SORCS3: variants seen among roughly 807,000 people sequenced by gnomAD.
The protein encoded by SORCS3 is sortilin related VPS10 domain containing receptor 3, also known as VPS10 domain-containing receptor SorCS3.
Under a neutral mutation model 146.3 loss-of-function variants are expected in SORCS3, and 57 were observed. The ratio of observed to expected loss-of-function variants is 0.39; its 90% CI spans 0.31 to 0.49. The LOEUF (loss-of-function observed/expected upper bound fraction) is 0.49. SORCS3 is among the 20% of genes least tolerant of loss of function. The pLI, the probability that SORCS3 is intolerant of heterozygous loss-of-function variation, is 0.92. For missense variants in SORCS3, 1,341 were observed against 1,575.5 expected, an observed-to-expected ratio of 0.85 and a Z score of 2.52; for synonymous variants, 653 against 618.5, an observed-to-expected ratio of 1.06 and a Z score of -0.83.
chr10:105,102,010 T>A (rs1026539172), intron 6 of SORCS3, among the ~76,000 whole-genome samples: 2 of 152,110 alleles, frequency 1.3e-5, no homozygotes, highest in African/African-American at 4.8e-5. Flanking sequence ...TGCCTTCCCC[T>A]CTCCTCTCAG....
chr10:105,170,557 C>A (rs2056351208), intron 13 of SORCS3, among the ~76,000 whole-genome samples: 1 of 152,104 alleles, frequency 6.6e-6, no homozygotes, highest in African/African-American at 2.4e-5. Context: ...GGCATTATCC[C>A]ATTTATAGGA....
At chr10:105,036,784 C>T (rs1167753601) in intron 4 of SORCS3, among the ~76,000 whole-genome samples, 1 of 152,216 alleles carries the variant, frequency 6.6e-6, no homozygotes, top group Non-Finnish European at 1.5e-5. Flanking sequence ...CTACTCTACA[C>T]TTGTGCCTCC....
intron 9 of SORCS3, among the ~76,000 whole-genome samples, chr10:105,151,082 A>G (rs1310150565): frequency 6.6e-6 from 1 of 152,216 alleles, no homozygotes; most frequent in Non-Finnish European, 1.5e-5. Context: ...AAGTGACTCT[A>G]TTAGGGTAAT....
At chr10:105,244,529 C>G (rs1049597152) in intron 20 of SORCS3, among the ~76,000 whole-genome samples, 6 of 152,168 alleles carry the variant, frequency 3.9e-5, no homozygotes, top group Admixed American at 3.3e-4. Flanking sequence ...AACCAATCCT[C>G]TGTGAATTCT....
At chr10:104,921,078 G>C (rs146256497) in intron 3 of SORCS3, among the ~76,000 whole-genome samples, 1 of 152,314 alleles carries the variant, frequency 6.6e-6, no homozygotes, top group East Asian at 1.9e-4. Context: ...GCCTCCCAGA[G>C]GAGTGGCTCC....
chr10:104,708,965 G>A (rs2016381510), intron 1 of SORCS3, among the ~76,000 whole-genome samples: 2 of 152,166 alleles, frequency 1.3e-5, no homozygotes, highest in Non-Finnish European at 2.9e-5. Flanking sequence ...ACATTATGAT[G>A]GAGGCTCATT....
At chr10:105,243,516 T>C (rs1484432523) in intron 20 of SORCS3, among the ~76,000 whole-genome samples, 1 of 152,156 alleles carries the variant, frequency 6.6e-6, no homozygotes, top group Admixed American at 6.5e-5. Context: ...TATTGACCCT[T>C]TGGATTTTAT....
intron 12 of SORCS3, 64 bp from the exon 13 acceptor site, chr10:105,167,194 C>A: frequency 7.9e-7 from 1 of 1,270,942 alleles, no homozygotes; most frequent in Non-Finnish European, 1.1e-6. Flanking sequence ...AGACTGTAAA[C>A]TGTTAAGCAC....
intron 4 of SORCS3, among the ~76,000 whole-genome samples, chr10:105,022,684 T>A (rs558881250): frequency 1.3e-5 from 2 of 152,174 alleles, no homozygotes; most frequent in Admixed American, 6.5e-5. Flanking sequence ...ATCCAGAATG[T>A]CATTGTGGGA....
chr10:104,670,504 G>A lies in SORCS3; in HGVS notation c.627+28550G>A, dbSNP rs527664844. ...TCAAAAATCATTTGACCATTTATAT[G>A]AAGGTTTATTTCTGGGCTCTATTCT... is the stretch of plus-strand genomic sequence containing the variant. On this transcript the variant is annotated intron_variant, in intron 1 of 26. Transcript: ENST00000369701. 5.3e-5 allele frequency among the ~76,000 whole-genome samples: 8 copies of A among 152,284 alleles called. No individual in the cohort carries two copies. The South Asian group carries it at 1.7e-3, about 32-fold the overall frequency.
intron 14 of SORCS3, among the ~76,000 whole-genome samples, chr10:105,178,570 T>TTCA (rs1332363451): frequency 5.9e-5 from 9 of 152,010 alleles, no homozygotes; most frequent in African/African-American, 2.2e-4. Context: ...TCAGAAATAT[T>TTCA]GTAAGAGATG....
intron 1 of SORCS3, among the ~76,000 whole-genome samples, chr10:104,713,225 G>C (rs940067166): frequency 6.6e-6 from 1 of 152,020 alleles, no homozygotes; most frequent in African/African-American, 2.4e-5. Context: ...CAGGTGCTAT[G>C]TCACCTTTCC....
chr10:104,876,742 CCTTCCTTT>C (rs1335686345), intron 2 of SORCS3, among the ~76,000 whole-genome samples: 8 of 131,976 alleles, frequency 6.1e-5, no homozygotes, highest in African/African-American at 2.1e-4. Flanking sequence ...TTCCTTCCTT[CCTTCCTTT>C]CTTTCTTTCT....
chr10:104,915,796 A>C (rs2019020793), intron 2 of SORCS3, 37 bp from the exon 3 acceptor site: 1 of 1,583,680 alleles, frequency 6.3e-7, no homozygotes, highest in Non-Finnish European at 8.7e-7. Context: ...CATTGGTAAA[A>C]TGATCTCTCC....
At chr10:104,683,244 A>G (rs1329662568) in intron 1 of SORCS3, among the ~76,000 whole-genome samples, 1 of 152,228 alleles carries the variant, frequency 6.6e-6, no homozygotes, top group Admixed American at 6.5e-5. Context: ...AATTTGGGGC[A>G]CAGTACTCAA....
At chr10:104,743,589 C>T (rs971515166) in intron 1 of SORCS3, among the ~76,000 whole-genome samples, 1 of 152,130 alleles carries the variant, frequency 6.6e-6, no homozygotes, top group Admixed American at 6.5e-5. Context: ...GATGGATAAT[C>T]TTGGGGGTAA....
intron 7 of SORCS3, among the ~76,000 whole-genome samples, chr10:105,122,967 A>G (rs938844220): frequency 3.9e-5 from 6 of 152,284 alleles, no homozygotes; most frequent in Admixed American, 3.9e-4. Context: ...TCATTGGGTG[A>G]TCTTGGGCCA....
At chr10:105,091,550 T>C (rs2055709284) in intron 6 of SORCS3, among the ~76,000 whole-genome samples, 1 of 138,248 alleles carries the variant, frequency 7.2e-6, no homozygotes, top group Non-Finnish European at 1.6e-5. Context: ...CCCTCCCTCC[T>C]TCCCTCCTTC....
intron 9 of SORCS3, among the ~76,000 whole-genome samples, chr10:105,151,279 G>A (rs1589657036): frequency 6.6e-6 from 1 of 152,250 alleles, no homozygotes; most frequent in East Asian, 1.9e-4. Flanking sequence ...AATGTTGAGT[G>A]GCCTTGTGGA....
Sources: allele counts gnomAD v4.1 joint callset (sites outside exome capture counted in the v4.1 genomes callset), GRCh38; gene constraint gnomAD v4.1.1; transcripts MANE v1.5; gene names NCBI Gene and HGNC (gene_info 2026-07-23, HGNC 2026-07-21).